ARSG: variants seen among roughly 807,000 people sequenced by gnomAD.
ARSG encodes arylsulfatase G.
Under a neutral mutation model 50.5 loss-of-function variants are expected in ARSG, and 37 were observed. That is an observed-to-expected ratio of 0.73 (90% CI 0.56 to 0.96). ARSG has a LOEUF of 0.96. Ranked by LOEUF, ARSG falls within the 50% of genes least tolerant of loss-of-function variation. The pLI is 0.00. For synonymous variants in ARSG, 225 were observed against 254.6 expected (o/e 0.88, Z 1.11); for missense variants, 629 against 675.3 (o/e 0.93, Z 0.76).
At chr17:68,441,592 G>A in the ARSG span, among the ~76,000 whole-genome samples, 2 of 152,182 alleles carry the variant, frequency 1.3e-5, no homozygotes, top group African/African-American at 4.8e-5. Context: ...CCCGAGTGAG[G>A]ACCTGGTCAT....
intron 2 of ARSG, among the ~76,000 whole-genome samples, chr17:68,342,327 CAT>C (rs1040040944): frequency 2.7e-5 from 4 of 148,514 alleles, no homozygotes; most frequent in Non-Finnish European, 3.0e-5. Context: ...ATTTTATGTA[CAT>C]ATATATATAT....
rs1445006130 is a variant in ARSG, at chr17:68,270,927, A to G, written c.-552+11501A>G. On this transcript the variant is annotated intron_variant, in intron 1 of 11. Transcript: ENST00000448504. ...AAGACATCTTCTCAATGCCCACGAC[A>G]TCATCCTCAGCAAGCAGTGGAATGT... The G allele has an allele frequency of 2.5e-6, 4 of 1,614,112 alleles. No individual in the cohort carries two copies. In the African/African-American group the frequency reaches 4.0e-5, roughly 16 times the overall value.
At position 68,332,290 on chromosome 17, in the gene ARSG, G is replaced by A. The variant is rs985945608; in HGVS notation, c.219-11314G>A. 5.9e-5 allele frequency among the ~76,000 whole-genome samples: 9 copies of A among 152,160 alleles called. No homozygotes were observed. The South Asian group carries it at 8.3e-4, about 14-fold the overall frequency. On this transcript the variant is annotated intron_variant, in intron 2 of 11. Transcript: ENST00000621439. ...AAGAAGAGAAATATAGCTCTGTTCCGCCCAGCCCACAGGCAGCCAGACTTT... is the reference window on the plus strand; with the variant it reads ...AAGAAGAGAAATATAGCTCTGTTCCACCCAGCCCACAGGCAGCCAGACTTT...
chr17:68,269,665 C>T (rs2075267274), intron 1 of ARSG, among the ~76,000 whole-genome samples: 1 of 67,310 alleles, frequency 1.5e-5, no homozygotes, highest in Admixed American at 1.7e-4. Flanking sequence ...CACTTGAGTT[C>T]ACTTTAGGTT....
At chr17:68,422,077 A>G (rs958059318), downstream of ARSG, 2 of 465,026 alleles carry the variant, frequency 4.3e-6, no homozygotes, top group Non-Finnish European at 7.8e-6. Flanking sequence ...ATGTATATGT[A>G]TATATTTTTA....
intron 9 of ARSG, among the ~76,000 whole-genome samples, chr17:68,386,209 A>G (rs892326794): frequency 1.3e-5 from 2 of 152,110 alleles, no homozygotes; most frequent in African/African-American, 4.8e-5. Flanking sequence ...TTCAGACAGG[A>G]CCTTCCTCTC....
chr17:68,335,414 C>T (rs965143343), intron 2 of ARSG, among the ~76,000 whole-genome samples: 2 of 151,828 alleles, frequency 1.3e-5, no homozygotes, highest in South Asian at 2.1e-4. Flanking sequence ...ATTAGCCGGG[C>T]GTAGTGGCGG....
intron 2 of ARSG, among the ~76,000 whole-genome samples, chr17:68,322,638 T>A (rs200803387): frequency 0.2 from 28,309 of 139,680 alleles, 3,423 homozygotes; most frequent in Non-Finnish European, 0.27. Context: ...TAAAAAAAAA[T>A]TAAAAAAAAA....
intron 1 of ARSG, chr17:68,274,311 C>A: frequency 2.8e-6 from 1 of 351,518 alleles, no homozygotes; most frequent in East Asian, 4.9e-5. Flanking sequence ...ACAAAAAATA[C>A]AAAAATTAGC....
At chr17:68,426,696 C>T (rs1381745102), downstream of ARSG, among the ~76,000 whole-genome samples, 1 of 152,110 alleles carries the variant, frequency 6.6e-6, no homozygotes, top group African/African-American at 2.4e-5. Flanking sequence ...ACATGCCCAG[C>T]TAATTTTTCT....
In ARSG at chr17:68,415,773, GTC is replaced by G. The variant is rs373377322; in HGVS notation, c.1304-4412_1304-4411del. Among the ~76,000 whole-genome samples, 40 of 152,218 alleles carry G rather than the reference GTC, an allele frequency of 2.6e-4. 1 individual carries two copies. In the East Asian group the frequency reaches 7.1e-3, roughly 27 times the overall value. On this transcript the variant is annotated intron_variant, in intron 11 of 11. Transcript: ENST00000621439. The stretch of plus-strand genomic sequence containing the variant: ...ACACGGCCTTTTACCATTGTATAAT[GTC>G]TCTGTCTTTTTTAACTGCCGTTGCT...
chr17:68,273,771 A>AT, intron 1 of ARSG: 1 of 841,788 alleles, frequency 1.2e-6, no homozygotes, highest in Non-Finnish European at 1.8e-6. Flanking sequence ...TGAAGTCCAT[A>AT]TAGCTCAGTT....
intron 8 of ARSG, among the ~76,000 whole-genome samples, chr17:68,377,483 G>A (rs893033002): frequency 2.4e-4 from 36 of 152,188 alleles, no homozygotes; most frequent in African/African-American, 8.7e-4. Flanking sequence ...CTTGAATCTT[G>A]ACTCAGCTCA....
the ARSG span, chr17:68,448,165 C>A: frequency 6.6e-6 from 1 of 152,136 alleles, no homozygotes; most frequent in Non-Finnish European, 1.5e-5. Context: ...TTTATCATTT[C>A]CCCAGAGTGG....
intron 1 of ARSG, among the ~76,000 whole-genome samples, chr17:68,297,369 G>A (rs200203943): frequency 6.6e-6 from 1 of 152,228 alleles, no homozygotes; most frequent in East Asian, 1.9e-4. Flanking sequence ...AGCCAAGATG[G>A]CACAGATAGT....
intron 2 of ARSG, among the ~76,000 whole-genome samples, chr17:68,333,960 C>T (rs114268821): frequency 6.6e-6 from 1 of 152,108 alleles, no homozygotes; most frequent in Non-Finnish European, 1.5e-5. Flanking sequence ...GAATTTTACC[C>T]AAGGCCCCCA....
At chr17:68,439,035 G>A in the ARSG span, among the ~76,000 whole-genome samples, 1 of 152,322 alleles carries the variant, frequency 6.6e-6, no homozygotes, top group East Asian at 1.9e-4. Context: ...ATGCACCGCT[G>A]GTGGGAATGT....
intron 9 of ARSG, among the ~76,000 whole-genome samples, chr17:68,391,241 C>T (rs967733024): frequency 6.6e-6 from 1 of 152,050 alleles, no homozygotes; most frequent in Non-Finnish European, 1.5e-5. Flanking sequence ...GTGCCAGGGA[C>T]CGTCTCCCTC....
At chr17:68,295,671 A>ATTT (rs56840354) in intron 1 of ARSG, among the ~76,000 whole-genome samples, 10 of 114,538 alleles carry the variant, frequency 8.7e-5, no homozygotes, top group African/African-American at 2.1e-4. Flanking sequence ...TCTAAGACAA[A>ATTT]TTTTTTTTTT....
Sources: allele counts gnomAD v4.1 joint callset (sites outside exome capture counted in the v4.1 genomes callset), GRCh38; gene constraint gnomAD v4.1.1; transcripts MANE v1.5; gene names NCBI Gene and HGNC (gene_info 2026-07-23, HGNC 2026-07-21).